CARMIL1: variants seen among roughly 807,000 people sequenced by gnomAD.
CARMIL1 encodes capping protein regulator and myosin 1 linker 1.
In CARMIL1, 90 loss-of-function variants were observed where a neutral mutation model predicts 177.1. The observed-to-expected ratio is 0.51, with a 90% CI of 0.43 to 0.61. The LOEUF is 0.61. CARMIL1 is among the 20% of genes least tolerant of loss of function. The probability of loss-of-function intolerance (pLI) is 0.00; values close to 1 mark genes in which losing one functional copy is unlikely to be tolerated. For synonymous variants in CARMIL1, 577 were observed against 606.2 expected (o/e 0.95, Z 0.71); for missense variants, 1,380 against 1,667.0 (o/e 0.83, Z 3.00).
intron 36 of CARMIL1, among the ~76,000 whole-genome samples, chr6:25,616,549 G>C (rs756186147): frequency 2.0e-5 from 3 of 152,188 alleles, no homozygotes; most frequent in Admixed American, 6.5e-5. Context: ...ATTCCAGCCT[G>C]GACAACAGAG....
intron 2 of CARMIL1, among the ~76,000 whole-genome samples, chr6:25,296,935 TTAAC>T (rs5875025): frequency 0.14 from 19,129 of 136,212 alleles, 1,483 homozygotes; most frequent in African/African-American, 0.24. Context: ...CTATCTATCT[TTAAC>T]TAACTAACTA....
intron 3 of CARMIL1, among the ~76,000 whole-genome samples, chr6:25,426,018 G>C (rs1428568869): frequency 6.6e-6 from 1 of 152,150 alleles, no homozygotes; most frequent in Non-Finnish European, 1.5e-5. Context: ...ACTTTATCCT[G>C]ATAGGACTTT....
chr6:25,477,710 AAT>A (rs767838810), intron 11 of CARMIL1, among the ~76,000 whole-genome samples: 46 of 152,258 alleles, frequency 3.0e-4, no homozygotes, highest in Non-Finnish European at 4.7e-4. Context: ...TTCTAATACT[AAT>A]ATATGTGTGT....
intron 2 of CARMIL1, among the ~76,000 whole-genome samples, chr6:25,332,742 TACACACACACAC>T (rs35133749): frequency 4.4e-4 from 62 of 140,180 alleles, no homozygotes; most frequent in Admixed American, 3.0e-3. Context: ...CAAACATGCA[TACACACACACAC>T]ACACACACAC....
At chr6:25,450,218 T>TC in intron 6 of CARMIL1, 121 bp from the exon 7 acceptor site, 1 of 779,280 alleles carries the variant, frequency 1.3e-6, no homozygotes, top group South Asian at 1.6e-5. Flanking sequence ...TTTGCTGTTT[T>TC]CCCCCCTAAA....
intron 16 of CARMIL1, among the ~76,000 whole-genome samples, chr6:25,498,078 T>C (rs1189248753): frequency 6.6e-6 from 1 of 152,150 alleles, no homozygotes; most frequent in Non-Finnish European, 1.5e-5. Flanking sequence ...TACTGCTCAT[T>C]CTTGGTCTTT....
intron 26 of CARMIL1, among the ~76,000 whole-genome samples, chr6:25,542,672 C>A (rs1809039446): frequency 6.6e-6 from 1 of 152,044 alleles, no homozygotes; most frequent in Admixed American, 6.6e-5. Flanking sequence ...ACTAAAACGT[C>A]TTAATTAAAT....
Position 25,403,767 on chromosome 6 carries a change from C to G in CARMIL1, c.139-16347C>G, listed in dbSNP as rs1310201349. Reference sequence around the variant, plus strand: ...CACCCACCTAACCCACCACTCCTCTCCATAACCCCCAGGCATTAAGCACGC... The same window carrying G: ...CACCCACCTAACCCACCACTCCTCTGCATAACCCCCAGGCATTAAGCACGC... On this transcript the variant is annotated intron_variant, in intron 2 of 36. Coordinates refer to ENST00000329474, the MANE Select transcript of CARMIL1 (RefSeq NM_017640.6). 2.6e-5 allele frequency among the ~76,000 whole-genome samples: 4 copies of G among 152,186 alleles called. No individual in the cohort carries two copies. In the East Asian group the frequency reaches 7.7e-4, roughly 29 times the overall value.
At chr6:25,516,906 A>G (rs1487232891) in intron 21 of CARMIL1, among the ~76,000 whole-genome samples, 2 of 152,218 alleles carry the variant, frequency 1.3e-5, no homozygotes, top group African/African-American at 4.8e-5. Context: ...TAGAAACACT[A>G]GTGTTTTACT....
chr6:25,506,929 A>T (rs1211436373), intron 17 of CARMIL1, among the ~76,000 whole-genome samples: 1 of 152,098 alleles, frequency 6.6e-6, no homozygotes, highest in Non-Finnish European at 1.5e-5. Context: ...TGAGTGTTTG[A>T]TATAACTTTT....
intron 29 of CARMIL1, among the ~76,000 whole-genome samples, chr6:25,564,588 G>A (rs1811394662): frequency 6.6e-6 from 1 of 152,150 alleles, no homozygotes. Context: ...GACGTTCTGA[G>A]TAGTTTGCCT....
intron 2 of CARMIL1, among the ~76,000 whole-genome samples, chr6:25,312,027 G>C (rs1027088616): frequency 6.6e-6 from 1 of 152,168 alleles, no homozygotes; most frequent in Non-Finnish European, 1.5e-5. Context: ...ACAACAAAAG[G>C]GTAAAATATT....
chr6:25,325,245 A>T (rs967907274), intron 2 of CARMIL1, among the ~76,000 whole-genome samples: 4 of 152,134 alleles, frequency 2.6e-5, no homozygotes, highest in African/African-American at 7.2e-5. Flanking sequence ...ATTCATTGAA[A>T]CTTGAATACG....
chr6:25,619,566 G>T lies in CARMIL1; in HGVS notation c.4099G>T (p.Glu1367Ter), dbSNP rs774052696. 3.1e-6 allele frequency: 5 copies of T among 1,613,572 alleles called. No individual in the cohort carries two copies. The highest frequency in any genetic ancestry group is 3.4e-6 in the Non-Finnish European group (4 of 1,179,790). The change falls in exon 37 of 37, where the codon GAG becomes TAG. Residue 1367 changes from glutamate to a stop codon, truncating the protein, a stop_gained. Transcript: ENST00000329474. LOFTEE classifies it high-confidence loss of function. ...SNDSGEEAEKEFIFV is the reference protein window; with the variant it reads ...SNDSGEEAEK ...TGACTCCGGGGAAGAAGCAGAAAAAGAGTTTATTTTTGTGTAAAGGTCACC... is the reference window on the plus strand; with the variant it reads ...TGACTCCGGGGAAGAAGCAGAAAAATAGTTTATTTTTGTGTAAAGGTCACC...
At chr6:25,380,891 T>C (rs977020034) in intron 2 of CARMIL1, among the ~76,000 whole-genome samples, 2 of 152,210 alleles carry the variant, frequency 1.3e-5, no homozygotes, top group East Asian at 3.8e-4. Context: ...TGCTCTAAAG[T>C]AGCAAGAAAC....
In CARMIL1 at chr6:25,517,481, C is replaced by T. The variant is rs946704115; in HGVS notation, c.1874+66C>T. On this transcript the variant is annotated intron_variant, in intron 22 of 36. Transcript: ENST00000329474. Reference sequence around the variant, plus strand: ...ACAAAAACCAATGGTATATATGTTACCTGTTGGGTAATAGAATCAACTGTT... The same window carrying T: ...ACAAAAACCAATGGTATATATGTTATCTGTTGGGTAATAGAATCAACTGTT... 15 of 1,245,750 alleles carry T rather than the reference C, an allele frequency of 1.2e-5. No individual in the cohort carries two copies. The African/African-American group carries it at 1.9e-4, about 16-fold the overall frequency. 77.2% of individuals were successfully genotyped at this position (1,245,750 alleles called of 1,614,324 possible).
chr6:25,423,248 T>C (rs890903133), intron 3 of CARMIL1, among the ~76,000 whole-genome samples: 5 of 152,196 alleles, frequency 3.3e-5, no homozygotes, highest in African/African-American at 1.2e-4. Flanking sequence ...ATACAACATA[T>C]ATAGTCAAAT....
chr6:25,532,648 A>G (rs899086319), intron 24 of CARMIL1, among the ~76,000 whole-genome samples: 1 of 152,218 alleles, frequency 6.6e-6, no homozygotes. Flanking sequence ...GCATTAAAGA[A>G]TGTTTTAATG....
chr6:25,364,508 T>C (rs1789558584), intron 2 of CARMIL1, among the ~76,000 whole-genome samples: 1 of 152,196 alleles, frequency 6.6e-6, no homozygotes, highest in South Asian at 2.1e-4. Flanking sequence ...ACATCCTAGC[T>C]GCTTTTAATC....
Sources: allele counts gnomAD v4.1 joint callset (sites outside exome capture counted in the v4.1 genomes callset), GRCh38; gene constraint gnomAD v4.1.1; transcripts MANE v1.5; gene names NCBI Gene and HGNC (gene_info 2026-07-23, HGNC 2026-07-21).